CACNA2D3: variants seen among roughly 807,000 people sequenced by gnomAD.
The protein encoded by CACNA2D3 is voltage-dependent calcium channel subunit alpha-2/delta-3.
Under a neutral mutation model 160.6 loss-of-function variants are expected in CACNA2D3, and 60 were observed. That is an observed-to-expected ratio of 0.37 (90% CI 0.30 to 0.46). The LOEUF is 0.46. CACNA2D3 is among the 20% of genes least tolerant of loss of function. The pLI is 1.00. For missense variants in CACNA2D3, 1,205 were observed against 1,365.0 expected (o/e 0.88, Z 1.85); for synonymous variants, 558 against 492.9 (o/e 1.13, Z -1.75).
rs528570905 is a variant in CACNA2D3 at position 54,464,573 on chromosome 3, C to G, written c.382-38919C>G. 1.2e-4 allele frequency among the ~76,000 whole-genome samples: 18 copies of G among 152,270 alleles called. No homozygotes were observed. In the South Asian group the frequency reaches 3.5e-3, roughly 30 times the overall value. On this transcript the variant is annotated intron_variant, in intron 4 of 37. Transcript: ENST00000474759. The stretch of plus-strand genomic sequence containing the variant: ...AAGACTCCGTGGGCGTAGGACCCTC[C>G]GAGCCAAGTGCGGGATATAATCTCC...
intron 4 of CACNA2D3, among the ~76,000 whole-genome samples, chr3:54,461,727 G>A (rs1416105098): frequency 3.3e-5 from 5 of 151,738 alleles, no homozygotes; most frequent in South Asian, 2.1e-4. Flanking sequence ...CAAAAAACCA[G>A]CTCCTGGATT....
chr3:54,771,773 C>A (rs1702326593), intron 13 of CACNA2D3, among the ~76,000 whole-genome samples: 1 of 151,978 alleles, frequency 6.6e-6, no homozygotes, highest in Non-Finnish European at 1.5e-5. Context: ...CCAGGGATAT[C>A]CCATCAGCTT....
At chr3:54,172,014 C>G (rs1037133621) in intron 2 of CACNA2D3, among the ~76,000 whole-genome samples, 11 of 152,246 alleles carry the variant, frequency 7.2e-5, no homozygotes, top group Non-Finnish European at 1.5e-4. Flanking sequence ...AAAGAGAAAG[C>G]TCTCTCTTAT....
chr3:54,369,800 T>C (rs9827083), intron 3 of CACNA2D3, among the ~76,000 whole-genome samples: 35,239 of 152,038 alleles, frequency 0.23, 4,141 homozygotes, highest in Middle Eastern at 0.29. Context: ...AACCCTTATA[T>C]CCCTATAACT....
intron 21 of CACNA2D3, among the ~76,000 whole-genome samples, chr3:54,882,306 AT>A (rs750924511): frequency 1.9e-4 from 29 of 152,332 alleles, no homozygotes; most frequent in Non-Finnish European, 4.0e-4. Context: ...ATTAAGAGAT[AT>A]TAACTGCCTC....
chr3:54,835,550 G>T (rs1014166539), intron 14 of CACNA2D3, among the ~76,000 whole-genome samples: 2 of 152,118 alleles, frequency 1.3e-5, no homozygotes, highest in East Asian at 1.9e-4. Flanking sequence ...AGTCAATGGG[G>T]GCTTCAAACG....
chr3:54,347,771 A>G (rs1036072204), intron 3 of CACNA2D3, among the ~76,000 whole-genome samples: 4 of 151,958 alleles, frequency 2.6e-5, no homozygotes, highest in African/African-American at 9.7e-5. Flanking sequence ...TCTCAGTCCT[A>G]TCCTCAATAG....
intron 9 of CACNA2D3, among the ~76,000 whole-genome samples, chr3:54,607,410 C>G (rs545211415): frequency 6.6e-6 from 1 of 152,292 alleles, no homozygotes; most frequent in South Asian, 2.1e-4. Context: ...CAACCTCCAC[C>G]TCCTGGGTTC....
intron 3 of CACNA2D3, among the ~76,000 whole-genome samples, chr3:54,348,210 G>T (rs1698492492): frequency 6.6e-6 from 1 of 152,104 alleles, no homozygotes; most frequent in Admixed American, 6.5e-5. Flanking sequence ...GCTGCCCTTT[G>T]AATGGATTCA....
chr3:54,374,469 A>G (rs1301898557), intron 3 of CACNA2D3, among the ~76,000 whole-genome samples: 3 of 152,230 alleles, frequency 2.0e-5, no homozygotes, highest in Non-Finnish European at 4.4e-5. Flanking sequence ...TGGTGCTGAG[A>G]GTCAGCAGGC....
intron 4 of CACNA2D3, among the ~76,000 whole-genome samples, chr3:54,475,611 G>C (rs753764734): frequency 2.0e-5 from 3 of 152,068 alleles, no homozygotes; most frequent in Admixed American, 6.6e-5. Context: ...ATTAGTCTCT[G>C]CCTATAATGC....
chr3:54,204,867 A>T (rs9846549), intron 2 of CACNA2D3, among the ~76,000 whole-genome samples: 51,777 of 148,806 alleles, frequency 0.35, 11,354 homozygotes, highest in African/African-American at 0.61. Context: ...GGAGAAAAAA[A>T]TGGAAAAACT....
chr3:54,622,872 C>T (rs560346167), intron 9 of CACNA2D3, among the ~76,000 whole-genome samples: 4 of 152,218 alleles, frequency 2.6e-5, no homozygotes, highest in East Asian at 3.9e-4. Flanking sequence ...GTTAAAGCCT[C>T]GAGCACCAAA....
intron 4 of CACNA2D3, among the ~76,000 whole-genome samples, chr3:54,452,857 C>CA (rs1348378145): frequency 1.3e-5 from 2 of 152,180 alleles, no homozygotes; most frequent in African/African-American, 4.8e-5. Flanking sequence ...CTGTCCTTGG[C>CA]ATGCCTTGGC....
At chr3:54,340,596 G>C (rs1474540338) in intron 3 of CACNA2D3, among the ~76,000 whole-genome samples, 1 of 152,242 alleles carries the variant, frequency 6.6e-6, no homozygotes, top group Non-Finnish European at 1.5e-5. Context: ...GTGTTCCATG[G>C]TGTGGAAGTA....
intron 13 of CACNA2D3, among the ~76,000 whole-genome samples, chr3:54,774,929 C>T (rs1440429817): frequency 3.3e-5 from 5 of 152,100 alleles, no homozygotes; most frequent in Non-Finnish European, 5.9e-5. Flanking sequence ...CCACCACGCC[C>T]GGCCACTGTT....
chr3:54,672,509 C>G (rs1018202367), intron 11 of CACNA2D3, among the ~76,000 whole-genome samples: 1 of 152,188 alleles, frequency 6.6e-6, no homozygotes. Flanking sequence ...GATGAGGACT[C>G]TGGCCTCATT....
At position 54,766,383 on chromosome 3, in the gene CACNA2D3, A is replaced by C. The variant is rs183641898; in HGVS notation, c.1380+2032A>C. 5.3e-5 allele frequency among the ~76,000 whole-genome samples: 8 copies of C among 152,352 alleles called. No homozygotes were observed. The East Asian group carries it at 1.2e-3, about 22-fold the overall frequency. The stretch of plus-strand genomic sequence containing the variant: ...TTTTAAACATAAGATGTACAACTTC[A>C]TAATAAGCAAAATGCAAATTAAACT... On this transcript the variant is annotated intron_variant, in intron 13 of 37. Coordinates refer to ENST00000474759, the MANE Select transcript of CACNA2D3 (RefSeq NM_018398.3).
intron 35 of CACNA2D3, among the ~76,000 whole-genome samples, chr3:55,050,220 A>G (rs1278226031): frequency 2.7e-5 from 4 of 149,790 alleles, no homozygotes; most frequent in Non-Finnish European, 3.0e-5. Flanking sequence ...ACATTTTGGC[A>G]TGATTTTGCA....
Sources: allele counts gnomAD v4.1 joint callset (sites outside exome capture counted in the v4.1 genomes callset), GRCh38; gene constraint gnomAD v4.1.1; transcripts MANE v1.5; gene names NCBI Gene and HGNC (gene_info 2026-07-23, HGNC 2026-07-21).